The following NID2 variants were observed in gnomAD, a reference collection of about 807,000 sequenced individuals.
NID2 encodes nidogen 2.
A neutral mutation model predicts 145.4 loss-of-function variants in NID2; 83 were observed. The observed-to-expected ratio is 0.57, with a 90% CI of 0.48 to 0.69. The LOEUF is 0.69. NID2 is among the 30% of genes least tolerant of loss of function. NID2 has a pLI of 0.00. For missense variants in NID2, 1,807 were observed against 1,765.7 expected, an observed-to-expected ratio of 1.02 and a Z score of -0.42; for synonymous variants, 739 against 701.3, an observed-to-expected ratio of 1.05 and a Z score of -0.85.
intron 2 of NID2, among the ~76,000 whole-genome samples, chr14:52,062,610 G>T (rs78464792): frequency 6.6e-6 from 1 of 152,146 alleles, no homozygotes; most frequent in Non-Finnish European, 1.5e-5. Context: ...AGCTTTCAAA[G>T]CTCCTGGCAT....
At chr14:52,052,037 G>A (rs1381631095) in intron 5 of NID2, among the ~76,000 whole-genome samples, 1 of 152,070 alleles carries the variant, frequency 6.6e-6, no homozygotes, top group Non-Finnish European at 1.5e-5. Context: ...ATATTCCCAC[G>A]CTCTTCCCAG....
Position 52,029,441 on chromosome 14 carries a change from G to A in NID2, c.2401+106C>T, listed in dbSNP as rs1026012353. The A allele has an allele frequency of 4.9e-6, 5 of 1,014,718 alleles. No homozygotes were observed. In the African/African-American group the frequency reaches 8.0e-5, roughly 16 times the overall value. The allele number at this position is 1,014,718 out of a possible 1,614,324, so 62.9% of individuals were successfully genotyped here. On this transcript the variant is annotated intron_variant, in intron 10 of 21. Coordinates refer to ENST00000216286, the MANE Select transcript of NID2 (RefSeq NM_007361.4). Reference sequence around the variant, plus strand: ...AACAGCTGCTAAAATCATTGACAATGGAGGTTGTAAAGGTGACAGATACTT... The same window carrying A: ...AACAGCTGCTAAAATCATTGACAATAGAGGTTGTAAAGGTGACAGATACTT...
In NID2 at chr14:52,020,176, C is replaced by T. The variant is rs138740135; in HGVS notation, c.2677G>A (p.Val893Ile). The change falls in exon 13 of 22, where the codon GTA (valine) becomes ATA (isoleucine). Residue 893 changes from valine to isoleucine, a missense_variant and splice_region_variant. By Grantham distance (29) the Val-to-Ile change is conservative. Coordinates refer to ENST00000216286, the MANE Select transcript of NID2 (RefSeq NM_007361.4). ...CATCTGTTTTCTGAGCATTCATCTA[C>T]ATCTGCAGAGGTCAGAAACAGAAGA... is the stretch of plus-strand genomic sequence containing the variant. The part of the protein sequence containing the change: ...YAGDGHQCTD[V>I]DECSENRCHP... 4.0e-5 allele frequency: 64 copies of T among 1,613,684 alleles called. No homozygotes were observed. The highest frequency in any genetic ancestry group is 2.6e-4 in the South Asian group (24 of 91,068).
rs75766425 is a variant in NID2 at position 52,045,193 on chromosome 14, G to C, written c.1430-2262C>G. ...ACTTTATAAACTGGGTTTAATGGTA[G>C]AAGCAAGCAGGGAAGATTATCGAGA... is the stretch of plus-strand genomic sequence containing the variant. On this transcript the variant is annotated intron_variant, in intron 5 of 21. Transcript: ENST00000216286. Among the ~76,000 whole-genome samples the C allele has an allele frequency of 4.2e-3, 646 of 152,282 alleles. 27 individuals are homozygous for C. The East Asian group carries it at 0.11, about 26-fold the overall frequency.
chr14:52,046,843 ACT>A (rs918564947), intron 5 of NID2, among the ~76,000 whole-genome samples: 6 of 152,138 alleles, frequency 3.9e-5, no homozygotes, highest in African/African-American at 1.4e-4. Context: ...AAGAACACAC[ACT>A]GTCTCTTTCA....
At chr14:52,030,162 C>T (rs1595022991) in intron 9 of NID2, among the ~76,000 whole-genome samples, 1 of 152,144 alleles carries the variant, frequency 6.6e-6, no homozygotes, top group Non-Finnish European at 1.5e-5. Context: ...ATCTGTTGAT[C>T]TCTTACTAAA....
At chr14:52,021,414 C>A (rs1332129397) in intron 12 of NID2, among the ~76,000 whole-genome samples, 2 of 152,162 alleles carry the variant, frequency 1.3e-5, no homozygotes, top group African/African-American at 2.4e-5. Flanking sequence ...CCACATGGAA[C>A]CTCTTCTAGA....
chr14:52,060,373 AAAAAAAG>A lies in NID2; in HGVS notation c.535-24_535-18del. Reference sequence around the variant, plus strand: ...AGTGTTCAGCTGTGAGGAAAAAAAAAAAAAAAGAGAGAGAGAGAGAGAGAAACATCCT... The same window carrying A: ...AGTGTTCAGCTGTGAGGAAAAAAAAAAGAGAGAGAGAGAGAGAAACATCCT... On this transcript the variant is annotated intron_variant, in intron 2 of 21. Transcript: ENST00000216286. 7.9e-7 allele frequency: 1 copy of A among 1,263,062 alleles called. No individual in the cohort carries two copies. Among genetic ancestry groups the A allele is most frequent in the South Asian group, 1.7e-5 (1 of 57,702 alleles). The allele number at this position is 1,263,062 out of a possible 1,614,324, so 78.2% of individuals were successfully genotyped here. A position where few individuals can be genotyped will look rare whatever the true frequency, so the allele number is the denominator to read the frequency against.
chr14:52,059,412 C>T (rs955916205), intron 3 of NID2, among the ~76,000 whole-genome samples: 16 of 152,144 alleles, frequency 1.1e-4, no homozygotes, highest in African/African-American at 3.6e-4. Context: ...ATTCAGGAAA[C>T]GAATAAAAGC....
chr14:52,015,056 G>A lies in NID2; in HGVS notation c.3248C>T (p.Ala1083Val), dbSNP rs117918472. The change falls in exon 15 of 22, where the codon GCG becomes GTG. Residue 1083 changes from alanine (A) to valine (V), a missense_variant and splice_region_variant. Ala to Val is a moderately conservative substitution (Grantham distance 64, BLOSUM62 0). Coordinates refer to ENST00000216286, the MANE Select transcript of NID2 (RefSeq NM_007361.4). ...GTRSQPGTTPACIPTVAPPMV... is the reference protein window; with the variant it reads ...GTRSQPGTTPVCIPTVAPPMV... ...AGCGGGGGCGGCCAGGTGCTTACAC[G>A]CAGGGGTGGTGCCTGGCTGGGAGCG... The A allele has an allele frequency of 1.1e-3, 1,696 of 1,612,474 alleles. 2 individuals carry two copies. The highest frequency in any genetic ancestry group is 1.3e-3 in the Non-Finnish European group (1,549 of 1,179,190).
At chr14:52,023,219 G>A (rs117761784) in intron 12 of NID2, among the ~76,000 whole-genome samples, 2,537 of 152,282 alleles carry the variant, frequency 0.017, 23 homozygotes, top group Non-Finnish European at 0.025. Flanking sequence ...GCTGACGCCT[G>A]TAATCCCAGC....
chr14:52,040,794 C>A lies in NID2; in HGVS notation c.1883G>T (p.Arg628Leu), dbSNP rs116780454. The change falls in exon 8 of 22, where the codon CGT becomes CTT. Residue 628 changes from arginine (R) to leucine (L), a missense_variant. Transcript: ENST00000216286. ...AAGTCCCTCAGCAGTTTGAGTGATA[C>A]GAACCGTCTCCTCTCCCGGGTAGAA... ...VTFYPGEETV[R>L]ITQTAEGLDP... 1.5e-5 allele frequency: 25 copies of A among 1,614,000 alleles called. No homozygotes were observed. Among genetic ancestry groups the A allele is most frequent in the Non-Finnish European group, 2.1e-5 (25 of 1,180,028 alleles).
In NID2 at chr14:52,004,963, TATAA is replaced by T. The variant is rs1391846325; in HGVS notation, c.*519_*522del. On this transcript the variant is annotated 3_prime_UTR_variant, in exon 22 of 22. Coordinates refer to ENST00000216286, the MANE Select transcript of NID2 (RefSeq NM_007361.4). Reference sequence around the variant, plus strand: ...ATTGAATCATTTTAGCACCTTTTGATATAAATAGAAATGCACTGATGCAGAGGTA... The same window carrying T: ...ATTGAATCATTTTAGCACCTTTTGATATAGAAATGCACTGATGCAGAGGTA... 1 of 157,652 alleles carries T rather than the reference TATAA, an allele frequency of 6.3e-6. No individual in the cohort carries two copies. The highest frequency in any genetic ancestry group is 2.4e-5 in the African/African-American group (1 of 41,610). The allele number at this position is 157,652 out of a possible 1,614,324, so 9.8% of individuals were successfully genotyped here.
Position 52,014,489 on chromosome 14 carries a change from G to A in NID2, c.3251-33C>T, listed in dbSNP as rs768418202. ...AGAGAGGGTGGGAGAGCAGGAAGGG[G>A]AACAAGGGCAGGCAGGGAGATGGGA... On this transcript the variant is annotated intron_variant, in intron 15 of 21. Transcript: ENST00000216286. The A allele has an allele frequency of 2.7e-5, 43 of 1,576,664 alleles. No homozygotes were observed. In the African/African-American group the frequency reaches 4.8e-4, roughly 18 times the overall value.
At chr14:52,058,460 C>G (rs925504249) in intron 3 of NID2, among the ~76,000 whole-genome samples, 1 of 152,126 alleles carries the variant, frequency 6.6e-6, no homozygotes, top group Non-Finnish European at 1.5e-5. Context: ...TCATTTGGCC[C>G]CATATCTTAC....
rs1151578 is a variant in NID2 at position 52,011,064 on chromosome 14, G to A, written c.3551-17C>T. On this transcript the variant is annotated splice_polypyrimidine_tract_variant and intron_variant, in intron 17 of 21. Transcript: ENST00000216286. ...TTATCAGACCTGGAAATAAAGCAAA[G>A]TCAGGACTGGAGTGTTTGCAGGATA... is the stretch of plus-strand genomic sequence containing the variant. 2 of 1,611,100 alleles carry A rather than the reference G, an allele frequency of 1.2e-6. No individual in the cohort carries two copies. The highest frequency in any genetic ancestry group is 2.2e-5 in the South Asian group (2 of 91,044).
chr14:52,040,890 G>T, intron 7 of NID2, 39 bp from the exon 8 acceptor site: 8 of 1,593,946 alleles, frequency 5.0e-6, no homozygotes, highest in Non-Finnish European at 6.9e-6. Flanking sequence ...ATGAAAAGAG[G>T]TCTTGCTTAA....
In NID2 at chr14:52,040,715, G is replaced by T; in HGVS notation, c.1962C>A (p.Tyr654Ter). The change falls in exon 8 of 22, where the codon TAC (tyrosine) becomes TAA (stop). Residue 654 changes from tyrosine (Y) to a stop codon, truncating the protein, a stop_gained. Transcript: ENST00000216286. LOFTEE classifies it high-confidence loss of function. ...IKTNIQGQVP[Y>*]VSANFTAHIS... ...TGTGGGCTGTGAAATTTGCTGAGACGTAAGGCACCTGGCCTTGAATGTTGG... is the reference window on the plus strand; with the variant it reads ...TGTGGGCTGTGAAATTTGCTGAGACTTAAGGCACCTGGCCTTGAATGTTGG... The T allele has an allele frequency of 6.2e-7, 1 of 1,614,012 alleles. No homozygotes were observed. The highest frequency in any genetic ancestry group is 8.5e-7 in the Non-Finnish European group (1 of 1,179,990).
Position 52,054,101 on chromosome 14 carries a change from C to T in NID2, c.988G>A (p.Gly330Ser), listed in dbSNP as rs770311792. The T allele has an allele frequency of 3.7e-6, 6 of 1,614,160 alleles. No individual in the cohort carries two copies. The South Asian group carries it at 6.6e-5, about 18-fold the overall frequency. ...VNEEEAEYLP[G>S]EPEEALNGHS... is the part of the protein sequence containing the mutation. Reference sequence around the variant, plus strand: ...CCATTCAATGCCTCCTCTGGTTCACCCGGAAGGTATTCAGCTTCCTCCTCA... The same window carrying T: ...CCATTCAATGCCTCCTCTGGTTCACTCGGAAGGTATTCAGCTTCCTCCTCA... The change falls in exon 4 of 22, where the codon GGT (glycine) becomes AGT (serine). Residue 330 changes from glycine (G) to serine (S), a missense_variant. Physicochemically the swap from Gly to Ser is moderately conservative, Grantham distance 56. Coordinates refer to ENST00000216286, the MANE Select transcript of NID2 (RefSeq NM_007361.4).
Sources: gnomAD v4.1 joint callset for allele counts (sites outside exome capture counted in the v4.1 genomes callset) on GRCh38, gnomAD v4.1.1 for gene constraint, MANE v1.5 for transcripts, NCBI Gene and HGNC (gene_info 2026-07-23, HGNC 2026-07-21) for gene names.